The following ENTPD7 variants were observed in gnomAD, a reference collection of about 807,000 sequenced individuals.
The protein encoded by ENTPD7 is ectonucleoside triphosphate diphosphohydrolase 7.
A neutral mutation model predicts 77.9 loss-of-function variants in ENTPD7; 53 were observed. That is an observed-to-expected ratio of 0.68 (90% CI 0.55 to 0.85). The LOEUF (loss-of-function observed/expected upper bound fraction) is 0.85, where lower values mean the gene tolerates loss of function less well. ENTPD7 is among the 40% of genes least tolerant of loss of function. The probability of loss-of-function intolerance (pLI) is 0.00; values close to 1 mark genes in which losing one functional copy is unlikely to be tolerated. For synonymous variants in ENTPD7, 248 were observed against 274.9 expected, an observed-to-expected ratio of 0.90 and a Z score of 0.97; for missense variants, 636 against 743.7, an observed-to-expected ratio of 0.86 and a Z score of 1.68.
rs76530337 is a variant in ENTPD7, at chr10:99,709,597, T to C, written c.*4914T>C. 0.025 allele frequency: 24,206 copies of C among 985,306 alleles called. 291 individuals carry two copies. The highest frequency in any genetic ancestry group is 0.027 in the Non-Finnish European group (22,016 of 829,836). The allele number at this position is 985,306 out of a possible 1,614,324, so 61.0% of individuals were successfully genotyped here. ...AGTGAATATACCTCAAATTGAAAAC[T>C]TTTAGGTTGTGTTCTTGGCTCATTC... On this transcript the variant is annotated 3_prime_UTR_variant, in exon 13 of 13. Transcript: ENST00000370489.
intron 6 of ENTPD7, among the ~76,000 whole-genome samples, chr10:99,688,308 G>T (rs759669559): frequency 6.6e-6 from 1 of 151,676 alleles, no homozygotes; most frequent in Non-Finnish European, 1.5e-5. Flanking sequence ...TTTACTTTCA[G>T]AGTTTCCAGA....
chr10:99,700,776 G>A (rs570923999), intron 10 of ENTPD7, 197 bp from the exon 11 acceptor site: 2 of 616,086 alleles, frequency 3.2e-6, no homozygotes, highest in East Asian at 5.4e-5. Context: ...CATCAAGCTG[G>A]CTTGGTGCTA....
In ENTPD7 at chr10:99,707,962, T is replaced by C. The variant is rs1370366609; in HGVS notation, c.*3279T>C. ...AGTGCAGGTTTGTTACATGAGTATA[T>C]TGAGTGATGCTGAGGTTTGGGGTAC... On this transcript the variant is annotated 3_prime_UTR_variant, in exon 13 of 13. Transcript: ENST00000370489. 6.6e-6 allele frequency among the ~76,000 whole-genome samples: 1 copy of C among 152,160 alleles called. No individual in the cohort carries two copies. The highest frequency in any genetic ancestry group is 1.5e-5 in the Non-Finnish European group (1 of 68,020).
At position 99,705,237 on chromosome 10, in the gene ENTPD7, T is replaced by C. The variant is rs774137998; in HGVS notation, c.*554T>C. The C allele has an allele frequency of 5.0e-5, 8 of 159,242 alleles. No individual in the cohort carries two copies. The highest frequency in any genetic ancestry group is 1.1e-4 in the Non-Finnish European group (8 of 71,548). The allele number at this position is 159,242 out of a possible 1,614,324, so 9.9% of individuals were successfully genotyped here. A position where few individuals can be genotyped will look rare whatever the true frequency, so the allele number is the denominator to read the frequency against. ...AAATGATATAACTTCCTTGCTTCCT[T>C]GACAAAGAAGCCATCATGGGTGTGA... On this transcript the variant is annotated 3_prime_UTR_variant, in exon 13 of 13. Coordinates refer to ENST00000370489, the MANE Select transcript of ENTPD7 (RefSeq NM_020354.5).
intron 8 of ENTPD7, among the ~76,000 whole-genome samples, chr10:99,692,889 G>C (rs2035906833): frequency 6.6e-6 from 1 of 152,152 alleles, no homozygotes; most frequent in African/African-American, 2.4e-5. Context: ...TCAGTTGTGT[G>C]ACTGTGATCT....
rs2035803749 is a variant in ENTPD7, at chr10:99,685,792, G to C, written c.549G>C (p.Arg183Ser). Residue 183 changes from arginine to serine, a missense_variant and splice_region_variant, in exon 6 of 13, where the codon AGG becomes AGC. Coordinates refer to ENST00000370489, the MANE Select transcript of ENTPD7 (RefSeq NM_020354.5). ...TGGGATTTTTTGTTCTTTCTTGCAG[G>C]AAGCAGTTGGCTATCTTGGCTGACC... ...CTAGMRLLPE[R>S]KQLAILADLV... 1 of 1,612,334 alleles carries C rather than the reference G, an allele frequency of 6.2e-7. No individual in the cohort carries two copies. The highest frequency in any genetic ancestry group is 2.2e-5 in the East Asian group (1 of 44,840).
chr10:99,666,553 A>G (rs916468996), intron 3 of ENTPD7, among the ~76,000 whole-genome samples: 2 of 152,228 alleles, frequency 1.3e-5, no homozygotes, highest in South Asian at 4.1e-4. Context: ...GATTGTGGAA[A>G]AAGAATTGGA....
intron 3 of ENTPD7, among the ~76,000 whole-genome samples, chr10:99,668,082 G>A (rs7897292): frequency 0.23 from 35,394 of 151,328 alleles, 4,261 homozygotes; most frequent in South Asian, 0.3. Context: ...TTACAGGTGC[G>A]CACCACCATG....
At position 99,705,462 on chromosome 10, in the gene ENTPD7, T is replaced by C. The variant is rs981974552; in HGVS notation, c.*779T>C. The C allele has an allele frequency of 1.3e-5, 2 of 152,254 alleles. No individual in the cohort carries two copies. Among genetic ancestry groups the C allele is most frequent in the African/African-American group, 4.8e-5 (2 of 41,456 alleles). The allele number at this position is 152,254 out of a possible 1,614,324, so 9.4% of individuals were successfully genotyped here. On this transcript the variant is annotated 3_prime_UTR_variant, in exon 13 of 13. Coordinates refer to ENST00000370489, the MANE Select transcript of ENTPD7 (RefSeq NM_020354.5). ...GCTTTTTGAGCCTTAAGTGTGTTAG[T>C]AGGATGGAGAAACTGTGATGGGGAC...
intron 6 of ENTPD7, among the ~76,000 whole-genome samples, chr10:99,687,423 G>A (rs1271849525): frequency 1.3e-5 from 2 of 151,418 alleles, no homozygotes; most frequent in Admixed American, 6.6e-5. Context: ...GTGCCACCAC[G>A]CCTGGCTAAT....
chr10:99,702,846 T>C (rs916706830), intron 12 of ENTPD7, among the ~76,000 whole-genome samples, 173 bp downstream of exon 12: 1 of 152,220 alleles, frequency 6.6e-6, no homozygotes, highest in Admixed American at 6.5e-5. Context: ...CCACTGTTAC[T>C]ACCAGGCATG....
intron 3 of ENTPD7, among the ~76,000 whole-genome samples, chr10:99,668,170 T>G (rs1476811556): frequency 6.6e-6 from 1 of 152,034 alleles, no homozygotes. Context: ...CCTGGCCTCA[T>G]GTGATCCACC....
At chr10:99,678,832 A>G (rs1217791010) in intron 3 of ENTPD7, among the ~76,000 whole-genome samples, 1 of 150,492 alleles carries the variant, frequency 6.6e-6, no homozygotes, top group African/African-American at 2.5e-5. Context: ...TCATTCCACA[A>G]TATTCTGGAT....
rs537840225 is a variant in ENTPD7, at chr10:99,708,394, G to A, written c.*3711G>A. Among the ~76,000 whole-genome samples the A allele has an allele frequency of 2.0e-5, 3 of 152,290 alleles. No individual in the cohort carries two copies. The East Asian group carries it at 5.8e-4, about 29-fold the overall frequency. ...GTCAGGGATGAAAGACAAGTGAGTG[G>A]TATCACTTAAGGGAAAGAACAGTAG... On this transcript the variant is annotated 3_prime_UTR_variant, in exon 13 of 13. Coordinates refer to ENST00000370489, the MANE Select transcript of ENTPD7 (RefSeq NM_020354.5).
chr10:99,702,721 G>T, intron 12 of ENTPD7, 48 bp downstream of exon 12: 2 of 1,505,286 alleles, frequency 1.3e-6, no homozygotes, highest in Non-Finnish European at 1.8e-6. Flanking sequence ...GAGGATATCA[G>T]TTGATGCCTC....
At chr10:99,661,918 A>G (rs2035492147) in intron 3 of ENTPD7, among the ~76,000 whole-genome samples, 1 of 152,196 alleles carries the variant, frequency 6.6e-6, no homozygotes. Context: ...GGACCCCTTT[A>G]TCATTATTAA....
chr10:99,703,576 G>A (rs2036186239), intron 12 of ENTPD7, among the ~76,000 whole-genome samples: 1 of 152,216 alleles, frequency 6.6e-6, no homozygotes, highest in Non-Finnish European at 1.5e-5. Context: ...CTGGACTGCT[G>A]AAGAGTGGCT....
rs749123248 is a variant in ENTPD7 at position 99,698,395 on chromosome 10, A to G, written c.1011-139A>G. ...CTGAAGTTAAATGTTTATGTGATGAAATTGCACTCCATCCTCGTTTCTAGA... is the reference window on the plus strand; with the variant it reads ...CTGAAGTTAAATGTTTATGTGATGAGATTGCACTCCATCCTCGTTTCTAGA... On this transcript the variant is annotated intron_variant, in intron 9 of 12. Transcript: ENST00000370489. 8.4e-5 allele frequency: 65 copies of G among 775,894 alleles called. 1 individual carries two copies. The highest frequency in any genetic ancestry group is 8.3e-4 in the Admixed American group (28 of 33,826). 48.1% of individuals were successfully genotyped at this position (775,894 alleles called of 1,614,324 possible). A position where few individuals can be genotyped will look rare whatever the true frequency, so the allele number is the denominator to read the frequency against.
chr10:99,669,042 C>T (rs375478965), intron 3 of ENTPD7, among the ~76,000 whole-genome samples: 32 of 137,796 alleles, frequency 2.3e-4, no homozygotes, highest in Admixed American at 4.5e-4. Flanking sequence ...TTTTATATAT[C>T]TTTTTTTTTT....
Sources: gnomAD v4.1 joint callset for allele counts (sites outside exome capture counted in the v4.1 genomes callset) on GRCh38, gnomAD v4.1.1 for gene constraint, MANE v1.5 for transcripts, NCBI Gene and HGNC (gene_info 2026-07-23, HGNC 2026-07-21) for gene names.